F2RL1: variants seen among roughly 807,000 people sequenced by gnomAD.
F2RL1 encodes the protein F2R like trypsin receptor 1, also known as proteinase-activated receptor 2.
In F2RL1, 16 loss-of-function variants were observed where a neutral mutation model predicts 21.7. The observed-to-expected ratio is 0.74, with a 90% CI of 0.50 to 1.12. The LOEUF is 1.12. F2RL1 is among the 50% of genes most tolerant of loss of function. The probability of loss-of-function intolerance (pLI) is 0.00; values close to 1 mark genes in which losing one functional copy is unlikely to be tolerated. For synonymous variants in F2RL1, 181 were observed against 186.7 expected (o/e 0.97, Z 0.25); for missense variants, 432 against 477.8 (o/e 0.90, Z 0.89).
At chr5:76,826,712 G>A (rs534617057) in intron 1 of F2RL1, among the ~76,000 whole-genome samples, 69 of 152,094 alleles carry the variant, frequency 4.5e-4, no homozygotes, top group African/African-American at 1.7e-3. Context: ...CACCATGTTG[G>A]CCAGGCTGGT....
chr5:76,827,325 C>CAAAAAAAAAAAA (rs764040748), intron 1 of F2RL1, among the ~76,000 whole-genome samples: 9 of 87,556 alleles, frequency 1.0e-4, no homozygotes, highest in Middle Eastern at 6.8e-3. Flanking sequence ...ACTAAAAATA[C>CAAAAAAAAAAAA]AAAAAAAAAA....
Position 76,833,475 on chromosome 5 carries a change from G to A in F2RL1, c.868G>A (p.Val290Ile). ...AAGGAAGAGGGCCATCAAACTCATT[G>A]TCACTGTCCTGGCCATGTACCTGAT... ...KKRKRAIKLI[V>I]TVLAMYLICF... The change falls in exon 2 of 2, where the codon GTC becomes ATC. Residue 290 changes from valine to isoleucine, a missense_variant. Transcript: ENST00000296677. 2 of 1,613,802 alleles carry A rather than the reference G, an allele frequency of 1.2e-6. No homozygotes were observed. Among genetic ancestry groups the A allele is most frequent in the Non-Finnish European group, 1.7e-6 (2 of 1,180,000 alleles).
rs942724956 is a variant in F2RL1, at chr5:76,834,019, C to T, written c.*218C>T. The T allele has an allele frequency of 2.0e-6, 1 of 490,002 alleles. No homozygotes were observed. The highest frequency in any genetic ancestry group is 3.6e-6 in the Non-Finnish European group (1 of 281,144). The allele number at this position is 490,002 out of a possible 1,614,324, so 30.4% of individuals were successfully genotyped here. ...TTCAGAATCTCTCTACTCAGATGAC[C>T]CCAGAAACTGAACCAACAGAAGCAG... On this transcript the variant is annotated 3_prime_UTR_variant, in exon 2 of 2. Coordinates refer to ENST00000296677, the MANE Select transcript of F2RL1 (RefSeq NM_005242.6).
chr5:76,831,231 T>C (rs1482825783), intron 1 of F2RL1, among the ~76,000 whole-genome samples: 1 of 152,138 alleles, frequency 6.6e-6, no homozygotes, highest in Non-Finnish European at 1.5e-5. Context: ...ACGGTTTCCC[T>C]GCCAGTTGGC....
chr5:76,824,488 C>G (rs1372816960), intron 1 of F2RL1, among the ~76,000 whole-genome samples: 1 of 152,018 alleles, frequency 6.6e-6, no homozygotes, highest in East Asian at 1.9e-4. Context: ...GCCACCACAC[C>G]CAGCTAATTT....
chr5:76,829,445 T>C (rs1750309679), intron 1 of F2RL1, among the ~76,000 whole-genome samples: 1 of 152,130 alleles, frequency 6.6e-6, no homozygotes, highest in Non-Finnish European at 1.5e-5. Flanking sequence ...AAAAAACAGG[T>C]CCTTTATCCT....
rs1750430870 is a variant in F2RL1, at chr5:76,835,045, TTTTGCCACTTAGAATAGCA to T, written c.*1257_*1275del. On this transcript the variant is annotated 3_prime_UTR_variant, in exon 2 of 2. Transcript: ENST00000296677. ...TTCAGGTAGTCTGAGTAATAGATTG[TTTTGCCACTTAGAATAGCA>T]TTTGCCACTTAGTATTTTAAAAAAT... The T allele has an allele frequency of 6.6e-6, 1 of 152,492 alleles. No individual in the cohort carries two copies. Among genetic ancestry groups the T allele is most frequent in the East Asian group, 1.9e-4 (1 of 5,326 alleles). 9.4% of individuals were successfully genotyped at this position (152,492 alleles called of 1,614,324 possible).
Position 76,833,758 on chromosome 5 carries a change from G to C in F2RL1, c.1151G>C (p.Ser384Thr), listed in dbSNP as rs1750404181. ...TCAAAGAAACACTCCAGGAAATCCAGCTCTTACTCTTCAAGTTCAACCACT... is the reference window on the plus strand; with the variant it reads ...TCAAAGAAACACTCCAGGAAATCCACCTCTTACTCTTCAAGTTCAACCACT... ...LTSKKHSRKS[S>T]SYSSSSTTVK... Residue 384 changes from serine to threonine, a missense_variant, in exon 2 of 2, where the codon AGC (serine) becomes ACC (threonine). Physicochemically the swap from Ser to Thr is moderately conservative, Grantham distance 58 (BLOSUM62 1). Transcript: ENST00000296677. 1 of 1,613,972 alleles carries C rather than the reference G, an allele frequency of 6.2e-7. No homozygotes were observed. Among genetic ancestry groups the C allele is most frequent in the Non-Finnish European group, 8.5e-7 (1 of 1,180,014 alleles).
intron 1 of F2RL1, among the ~76,000 whole-genome samples, chr5:76,826,755 C>G (rs1325569048): frequency 6.6e-6 from 1 of 152,184 alleles, no homozygotes; most frequent in Non-Finnish European, 1.5e-5. Context: ...ATCTGCCTGC[C>G]TCAGCCTCCC....
chr5:76,833,107 C>T lies in F2RL1; in HGVS notation c.500C>T (p.Thr167Ile), dbSNP rs1374427593. Reference sequence around the variant, plus strand: ...ATGTACTGTTCCATTCTCTTCATGACCTGCCTCAGTGTGCAGAGGTATTGG... The same window carrying T: ...ATGTACTGTTCCATTCTCTTCATGATCTGCCTCAGTGTGCAGAGGTATTGG... ...GNMYCSILFM[T>I]CLSVQRYWVI... Residue 167 changes from threonine to isoleucine, a missense_variant, in exon 2 of 2, where the codon ACC (threonine) becomes ATC (isoleucine). Transcript: ENST00000296677. The T allele has an allele frequency of 6.2e-7, 1 of 1,614,210 alleles. No individual in the cohort carries two copies. Among genetic ancestry groups the T allele is most frequent in the East Asian group, 2.2e-5 (1 of 44,886 alleles).
rs192550048 is a variant in F2RL1 at position 76,822,772 on chromosome 5, T to A, written c.82+3508T>A. ...CACAATTGAAACCTTTATTTTTCAG[T>A]CTGTGCTCCCAAAGATTGGGAGCAA... is the stretch of plus-strand genomic sequence containing the variant. On this transcript the variant is annotated intron_variant, in intron 1 of 1. Coordinates refer to ENST00000296677, the MANE Select transcript of F2RL1 (RefSeq NM_005242.6). Among the ~76,000 whole-genome samples, 236 of 152,114 alleles carry A rather than the reference T, an allele frequency of 1.6e-3. 2 individuals are homozygous for A. Among genetic ancestry groups the A allele is most frequent in the Admixed American group, 0.011 (172 of 15,262 alleles).
chr5:76,819,337 G>A (rs1750084941), intron 1 of F2RL1, 73 bp downstream of exon 1: 3 of 1,344,028 alleles, frequency 2.2e-6, no homozygotes, highest in Admixed American at 2.2e-5. Flanking sequence ...CAGACGGTGG[G>A]ATCCGGGCAG....
chr5:76,832,472 G>A (rs1750365821), intron 1 of F2RL1, among the ~76,000 whole-genome samples: 1 of 152,156 alleles, frequency 6.6e-6, no homozygotes, highest in Admixed American at 6.5e-5. Context: ...GTGATGGTGT[G>A]TGCCTGTGGC....
intron 1 of F2RL1, among the ~76,000 whole-genome samples, chr5:76,821,771 G>A (rs1750140790): frequency 6.6e-6 from 1 of 151,482 alleles, no homozygotes; most frequent in Non-Finnish European, 1.5e-5. Context: ...GTAGAGACAG[G>A]GTTTCACCAT....
chr5:76,830,120 A>C (rs1561211690), intron 1 of F2RL1, among the ~76,000 whole-genome samples: 1 of 152,122 alleles, frequency 6.6e-6, no homozygotes, highest in Non-Finnish European at 1.5e-5. Context: ...TCTAAGGGAG[A>C]GTCCATTCCT....
chr5:76,823,428 G>GAT (rs1175993945), intron 1 of F2RL1, among the ~76,000 whole-genome samples: 1 of 148,328 alleles, frequency 6.7e-6, no homozygotes. Context: ...TGGAGGGCTG[G>GAT]AGTGCAGTGA....
At chr5:76,831,535 A>ATT (rs3053251) in intron 1 of F2RL1, among the ~76,000 whole-genome samples, 5,738 of 134,090 alleles carry the variant, frequency 0.043, 315 homozygotes, top group African/African-American at 0.096. Context: ...TCCTAAACTG[A>ATT]TTTTTTTTTT....
At chr5:76,821,727 G>A (rs1374217869) in intron 1 of F2RL1, among the ~76,000 whole-genome samples, 4 of 150,958 alleles carry the variant, frequency 2.6e-5, no homozygotes, top group Admixed American at 6.6e-5. Context: ...CGACAGGCAC[G>A]CACCACCACC....
Position 76,819,108 on chromosome 5 carries a change from C to A in F2RL1, c.-75C>A. On this transcript the variant is annotated 5_prime_UTR_variant, in exon 1 of 2. Transcript: ENST00000296677. ...GTGAGAGGCTGACTTTCTCTCGGTG[C>A]GTCCAGTGGAGCTCTGAGTTTCGAA... 2.5e-6 allele frequency: 3 copies of A among 1,199,772 alleles called. No homozygotes were observed. The highest frequency in any genetic ancestry group is 2.6e-5 in the South Asian group (2 of 75,622). The allele number at this position is 1,199,772 out of a possible 1,614,324, so 74.3% of individuals were successfully genotyped here.
Sources: allele counts gnomAD v4.1 joint callset (sites outside exome capture counted in the v4.1 genomes callset), GRCh38; gene constraint gnomAD v4.1.1; transcripts MANE v1.5; gene names NCBI Gene and HGNC (gene_info 2026-07-23, HGNC 2026-07-21).